ADD2: variants seen among roughly 807,000 people sequenced by gnomAD.
ADD2 encodes beta-adducin.
Under a neutral mutation model 83.0 loss-of-function variants are expected in ADD2, and 23 were observed. That is an observed-to-expected ratio of 0.28 (90% CI 0.20 to 0.39). ADD2 has a LOEUF of 0.39. ADD2 is among the 10% of genes least tolerant of loss of function. The pLI is 1.00. For missense variants in ADD2, 758 were observed against 944.9 expected, an observed-to-expected ratio of 0.80 and a Z score of 2.59; for synonymous variants, 375 against 375.4, an observed-to-expected ratio of 1.00 and a Z score of 0.01.
chr2:70,757,570 G>T (rs1054638504), intron 1 of ADD2, among the ~76,000 whole-genome samples: 30 of 152,178 alleles, frequency 2.0e-4, no homozygotes, highest in African/African-American at 7.0e-4. Flanking sequence ...AGATTTAAGA[G>T]AAATATGGTG....
chr2:70,720,730 G>C (rs1408857421), intron 1 of ADD2, among the ~76,000 whole-genome samples: 2 of 152,130 alleles, frequency 1.3e-5, no homozygotes, highest in African/African-American at 4.8e-5. Context: ...AATGCTATGT[G>C]CTCCCCAAAC....
intron 10 of ADD2, among the ~76,000 whole-genome samples, chr2:70,682,857 A>G (rs1257610172): frequency 1.3e-5 from 2 of 152,144 alleles, no homozygotes; most frequent in Non-Finnish European, 2.9e-5. Context: ...ACAATAGGAT[A>G]TTGTTACAAA....
At chr2:70,696,010 T>C (rs1671288085) in intron 5 of ADD2, among the ~76,000 whole-genome samples, 1 of 152,210 alleles carries the variant, frequency 6.6e-6, no homozygotes, top group African/African-American at 2.4e-5. Context: ...AAACTCACTA[T>C]GATCAAGGGT....
chr2:70,742,789 C>A (rs1368594864), intron 1 of ADD2, among the ~76,000 whole-genome samples: 3 of 152,172 alleles, frequency 2.0e-5, no homozygotes, highest in African/African-American at 7.2e-5. Context: ...ATGTTCCCTG[C>A]CATAGAACAC....
intron 14 of ADD2, among the ~76,000 whole-genome samples, chr2:70,673,862 G>A (rs545480478): frequency 5.3e-5 from 8 of 152,006 alleles, no homozygotes; most frequent in Non-Finnish European, 8.8e-5. Flanking sequence ...CTCCCAACGT[G>A]CTGGGATTAC....
chr2:70,663,886 C>G, intron 15 of ADD2, 151 bp from the exon 16 acceptor site: 1 of 859,220 alleles, frequency 1.2e-6, no homozygotes, highest in Non-Finnish European at 1.8e-6. Flanking sequence ...CTACCAGAGA[C>G]AGATGGAAGG....
intron 1 of ADD2, among the ~76,000 whole-genome samples, chr2:70,719,076 C>T (rs1553376907): frequency 6.6e-6 from 1 of 152,208 alleles, no homozygotes; most frequent in African/African-American, 2.4e-5. Context: ...GGTACTCACT[C>T]TGACAAAGTG....
chr2:70,735,760 C>T (rs1434302774), intron 1 of ADD2, among the ~76,000 whole-genome samples: 9 of 150,694 alleles, frequency 6.0e-5, no homozygotes, highest in African/African-American at 1.2e-4. Flanking sequence ...TTCACTCCGT[C>T]GCCCAGGCTG....
chr2:70,764,486 C>A (rs1485710596), intron 1 of ADD2, among the ~76,000 whole-genome samples: 2 of 151,958 alleles, frequency 1.3e-5, no homozygotes, highest in Non-Finnish European at 2.9e-5. Flanking sequence ...TTCCCTTCAC[C>A]CAGGCTGTGG....
chr2:70,759,043 GA>G (rs2104554079), intron 1 of ADD2, among the ~76,000 whole-genome samples: 1 of 152,312 alleles, frequency 6.6e-6, no homozygotes, highest in African/African-American at 2.4e-5. Context: ...GGGATGGGGT[GA>G]AGGATGTCAA....
At chr2:70,754,341 C>T (rs140674436) in intron 1 of ADD2, among the ~76,000 whole-genome samples, 461 of 152,212 alleles carry the variant, frequency 3.0e-3, no homozygotes, top group African/African-American at 0.01. Context: ...GATCCACAAA[C>T]GAAGAAGCTA....
At chr2:70,677,673 A>G in intron 12 of ADD2, 85 bp downstream of exon 12, 2 of 1,549,770 alleles carry the variant, frequency 1.3e-6, no homozygotes, top group Non-Finnish European at 1.8e-6. Context: ...AGTCAGGCAC[A>G]TCCTGGGAAC....
chr2:70,668,014 G>A (rs958079895), intron 15 of ADD2, among the ~76,000 whole-genome samples: 2 of 152,060 alleles, frequency 1.3e-5, no homozygotes, highest in South Asian at 2.1e-4. Context: ...CTCTCACATA[G>A]AACAAAAAGG....
intron 1 of ADD2, among the ~76,000 whole-genome samples, chr2:70,746,080 A>G (rs969791576): frequency 1.3e-5 from 2 of 152,236 alleles, no homozygotes; most frequent in Admixed American, 6.5e-5. Context: ...TGACTTGTAA[A>G]ATAGCACCCA....
chr2:70,704,870 C>T (rs1383985011), intron 3 of ADD2, among the ~76,000 whole-genome samples: 3 of 152,140 alleles, frequency 2.0e-5, no homozygotes, highest in Non-Finnish European at 4.4e-5. Context: ...CTTCAGTTTC[C>T]TCATGTGCTT....
chr2:70,719,278 G>C (rs3755360), intron 1 of ADD2, among the ~76,000 whole-genome samples: 47,849 of 152,042 alleles, frequency 0.31, 8,274 homozygotes, highest in African/African-American at 0.47. Flanking sequence ...ATCTGCCATG[G>C]GTCAGGACCT....
chr2:70,728,655 G>A (rs1673132648), intron 1 of ADD2, among the ~76,000 whole-genome samples: 1 of 152,206 alleles, frequency 6.6e-6, no homozygotes, highest in African/African-American at 2.4e-5. Context: ...TTTTATGATG[G>A]GATATATACT....
chr2:70,750,655 C>T (rs1553382800), intron 1 of ADD2, among the ~76,000 whole-genome samples: 1 of 152,198 alleles, frequency 6.6e-6, no homozygotes, highest in Non-Finnish European at 1.5e-5. Context: ...CTAGAGCCTT[C>T]AGAGGGAGCA....
intron 1 of ADD2, among the ~76,000 whole-genome samples, chr2:70,762,792 G>A (rs1400797712): frequency 6.9e-6 from 1 of 145,470 alleles, no homozygotes; most frequent in Non-Finnish European, 1.5e-5. Flanking sequence ...TGCAACCTCC[G>A]CCTCCCGGGT....
Sources: gnomAD v4.1 joint callset for allele counts (sites outside exome capture counted in the v4.1 genomes callset) on GRCh38, gnomAD v4.1.1 for gene constraint, MANE v1.5 for transcripts, NCBI Gene and HGNC (gene_info 2026-07-23, HGNC 2026-07-21) for gene names.